POLD3: variants seen among roughly 807,000 people sequenced by gnomAD.
POLD3 encodes DNA polymerase delta 3, accessory subunit.
Under a neutral mutation model 58.2 loss-of-function variants are expected in POLD3, and 19 were observed. That is an observed-to-expected ratio of 0.33 (90% CI 0.23 to 0.48). The LOEUF (loss-of-function observed/expected upper bound fraction) is 0.48, where lower values mean the gene tolerates loss of function less well. Among genes scored for constraint, POLD3 ranks in the 20% least tolerant of loss-of-function variants. The probability of loss-of-function intolerance (pLI) is 0.99; values close to 1 mark genes in which losing one functional copy is unlikely to be tolerated. For missense variants in POLD3, 504 were observed against 545.5 expected (o/e 0.92, Z 0.76); for synonymous variants, 172 against 193.5 (o/e 0.89, Z 0.92).
chr11:74,638,416 G>A (rs909522196), intron 11 of POLD3, among the ~76,000 whole-genome samples: 15 of 152,206 alleles, frequency 9.9e-5, no homozygotes, highest in Non-Finnish European at 1.9e-4. Context: ...GAAATAATGA[G>A]CTAATTGATG....
intron 3 of POLD3, among the ~76,000 whole-genome samples, chr11:74,610,776 GTTC>G (rs1325784534): frequency 1.3e-5 from 2 of 151,700 alleles, no homozygotes; most frequent in Non-Finnish European, 2.9e-5. Flanking sequence ...GCATATATGT[GTTC>G]TTCTCTTTTT....
At chr11:74,617,549 G>A (rs573725145) in intron 5 of POLD3, among the ~76,000 whole-genome samples, 7 of 152,134 alleles carry the variant, frequency 4.6e-5, no homozygotes, top group South Asian at 2.1e-4. Context: ...CTACAGGCGC[G>A]TGCCACCACG....
rs180988396 is a variant in POLD3 at position 74,619,905 on chromosome 11, A to G, written c.661-112A>G. The G allele has an allele frequency of 8.3e-4, 656 of 794,176 alleles. 5 individuals are homozygous for G. The highest frequency in any genetic ancestry group is 7.3e-4 in the Non-Finnish European group (332 of 455,302). The allele number at this position is 794,176 out of a possible 1,614,324, so 49.2% of individuals were successfully genotyped here. A position where few individuals can be genotyped will look rare whatever the true frequency, so the allele number is the denominator to read the frequency against. ...CACCTACGCGTTTTGGCATGATTATATAGAGACTATACCATCGCAACAGTT... is the reference window on the plus strand; with the variant it reads ...CACCTACGCGTTTTGGCATGATTATGTAGAGACTATACCATCGCAACAGTT... On this transcript the variant is annotated intron_variant, in intron 6 of 11. Transcript: ENST00000263681.
chr11:74,621,174 TC>T (rs1253131949), intron 7 of POLD3, among the ~76,000 whole-genome samples: 1 of 152,118 alleles, frequency 6.6e-6, no homozygotes, highest in Non-Finnish European at 1.5e-5. Context: ...TGGGTAGCAG[TC>T]CGTGGCCTCT....
At chr11:74,609,372 A>ATATATTTTTT (rs2031821525) in intron 3 of POLD3, among the ~76,000 whole-genome samples, 1 of 27,196 alleles carries the variant, frequency 3.7e-5, no homozygotes, top group Non-Finnish European at 6.1e-5. Flanking sequence ...ATATATATAT[A>ATATATTTTTT]TTTTTTTTTT....
At chr11:74,607,323 C>T (rs771370279) in intron 3 of POLD3, among the ~76,000 whole-genome samples, 13 of 150,046 alleles carry the variant, frequency 8.7e-5, no homozygotes, top group Non-Finnish European at 1.6e-4. Context: ...AGTGCAGTGG[C>T]GTGAACTCAG....
chr11:74,639,426 A>AT (rs2032847202), intron 11 of POLD3, among the ~76,000 whole-genome samples: 1 of 152,220 alleles, frequency 6.6e-6, no homozygotes, highest in Admixed American at 6.5e-5. Flanking sequence ...GGAAAAAAAA[A>AT]CCTTTTACTT....
intron 5 of POLD3, among the ~76,000 whole-genome samples, chr11:74,613,758 C>T (rs527771404): frequency 6.6e-6 from 1 of 152,170 alleles, no homozygotes; most frequent in Non-Finnish European, 1.5e-5. Flanking sequence ...ACATACCATA[C>T]AGTATAGAGT....
chr11:74,660,617 G>C (rs920164180), intron 4 of POLD3, among the ~76,000 whole-genome samples: 3 of 152,130 alleles, frequency 2.0e-5, no homozygotes, highest in African/African-American at 7.2e-5. Flanking sequence ...TATCATGGTG[G>C]TGGATTTCCA....
intron 4 of POLD3, 136 bp from the exon 5 acceptor site, chr11:74,612,742 T>C: frequency 1.6e-6 from 1 of 639,442 alleles, no homozygotes; most frequent in Non-Finnish European, 2.7e-6. Context: ...TCACTGTATA[T>C]GTGGCTGTGT....
intron 4 of POLD3, among the ~76,000 whole-genome samples, chr11:74,666,384 G>C (rs1358656291): frequency 6.6e-6 from 1 of 152,202 alleles, no homozygotes; most frequent in Non-Finnish European, 1.5e-5. Flanking sequence ...ACTTTGGGAG[G>C]CCGAGGCAGG....
chr11:74,592,974 A>G, intron 1 of POLD3: 2 of 1,352,642 alleles, frequency 1.5e-6, no homozygotes, highest in Non-Finnish European at 1.9e-6. Context: ...AGCCGCGGAG[A>G]CCGGGCGCGG....
chr11:74,630,912 G>A (rs2135169219), intron 9 of POLD3, among the ~76,000 whole-genome samples: 1 of 152,134 alleles, frequency 6.6e-6, no homozygotes, highest in East Asian at 1.9e-4. Context: ...AATACTGTTG[G>A]GTGATTAGAA....
At chr11:74,650,422 A>T (rs1216187497) in intron 4 of POLD3, among the ~76,000 whole-genome samples, 1 of 152,138 alleles carries the variant, frequency 6.6e-6, no homozygotes, top group African/African-American at 2.4e-5. Context: ...TACACAACAC[A>T]CCCTTGTTTC....
rs201278185 is a variant in POLD3, at chr11:74,634,691, T to A, written c.1115T>A (p.Val372Asp). 1 of 1,574,938 alleles carries A rather than the reference T, an allele frequency of 6.3e-7. No homozygotes were observed. The highest frequency in any genetic ancestry group is 8.7e-7 in the Non-Finnish European group (1 of 1,144,426). The change falls in exon 10 of 12, where the codon GTC becomes GAC. Residue 372 changes from valine (V) to aspartate (D), a missense_variant. Val to Asp is a radical substitution (Grantham distance 152, BLOSUM62 -3). Transcript: ENST00000263681. ...AAGACTGAGCCTGAACCTCCTTCTG[T>A]CAAGGTAAAATTATACTGGGATTCT... ...VPKTEPEPPS[V>D]KSSSGENKRK...
At chr11:74,666,521 T>C (rs1322174337) in intron 4 of POLD3, among the ~76,000 whole-genome samples, 1 of 151,884 alleles carries the variant, frequency 6.6e-6, no homozygotes, top group African/African-American at 2.4e-5. Context: ...CTTGGGAGGC[T>C]GAGGCCGGAG....
At chr11:74,624,706 C>G (rs935767322) in intron 7 of POLD3, among the ~76,000 whole-genome samples, 10 of 152,152 alleles carry the variant, frequency 6.6e-5, no homozygotes, top group Admixed American at 5.9e-4. Flanking sequence ...GCACTGTAGT[C>G]ATTCTTCAGC....
intron 11 of POLD3, 94 bp from the exon 12 acceptor site, chr11:74,640,470 G>T: frequency 1.4e-6 from 2 of 1,412,206 alleles, no homozygotes; most frequent in South Asian, 3.5e-5. Context: ...CTTGATCAGA[G>T]TCTGAAATGA....
At chr11:74,650,040 C>G (rs1433586098) in intron 4 of POLD3, among the ~76,000 whole-genome samples, 1 of 152,150 alleles carries the variant, frequency 6.6e-6, no homozygotes, top group Non-Finnish European at 1.5e-5. Context: ...GTCTGCTCAT[C>G]TGTAAGATGA....
Sources: gnomAD v4.1 joint callset for allele counts (sites outside exome capture counted in the v4.1 genomes callset) on GRCh38, gnomAD v4.1.1 for gene constraint, MANE v1.5 for transcripts, NCBI Gene and HGNC (gene_info 2026-07-23, HGNC 2026-07-21) for gene names.